USP48: variants seen among roughly 807,000 people sequenced by gnomAD.
The protein encoded by USP48 is ubiquitin carboxyl-terminal hydrolase 48.
Under a neutral mutation model 150.7 loss-of-function variants are expected in USP48, and 43 were observed. The ratio of observed to expected loss-of-function variants is 0.29; its 90% CI spans 0.22 to 0.37. USP48 has a LOEUF of 0.37. Ranked by LOEUF, USP48 falls within the 10% of genes least tolerant of loss-of-function variation. The pLI is 1.00. For synonymous variants in USP48, 396 were observed against 425.9 expected (o/e 0.93, Z 0.86); for missense variants, 813 against 1,249.6 (o/e 0.65, Z 5.27).
intron 23 of USP48, among the ~76,000 whole-genome samples, 197 bp downstream of exon 23, chr1:21,694,869 T>C (rs2097621557): frequency 6.6e-6 from 1 of 152,192 alleles, no homozygotes; most frequent in Non-Finnish European, 1.5e-5. Flanking sequence ...ATTGGAAAGC[T>C]ATTGCAGAAC....
Position 21,748,274 on chromosome 1 carries a change from G to T in USP48, c.775-3C>A. 6.2e-7 allele frequency: 1 copy of T among 1,610,128 alleles called. No individual in the cohort carries two copies. The highest frequency in any genetic ancestry group is 8.5e-7 in the Non-Finnish European group (1 of 1,178,456). On this transcript the variant is annotated splice_region_variant and splice_polypyrimidine_tract_variant and intron_variant, in intron 6 of 26. Transcript: ENST00000308271. ...TTGTCTCCTTCTAATTTTTCTTCCTGATCAAGAATAAGACATATTAATTTT... is the reference window on the plus strand; with the variant it reads ...TTGTCTCCTTCTAATTTTTCTTCCTTATCAAGAATAAGACATATTAATTTT...
intron 1 of USP48, among the ~76,000 whole-genome samples, chr1:21,777,057 G>A (rs917864617): frequency 6.6e-6 from 1 of 152,022 alleles, no homozygotes; most frequent in Admixed American, 6.6e-5. Context: ...GGAGGTTGCA[G>A]TGAGCCAAGA....
chr1:21,782,967 C>A lies in USP48; in HGVS notation c.-10G>T. ...GCAGCCGCGGGGCCATGGCCTTGGC[C>A]CCAGGAACGCCTCCCGAGCCAGACC... On this transcript the variant is annotated 5_prime_UTR_variant, in exon 1 of 27. Transcript: ENST00000308271. 1 of 1,529,276 alleles carries A rather than the reference C, an allele frequency of 6.5e-7. No homozygotes were observed. The highest frequency in any genetic ancestry group is 8.8e-7 in the Non-Finnish European group (1 of 1,142,370). 94.7% of individuals were successfully genotyped at this position (1,529,276 alleles called of 1,614,324 possible).
At chr1:21,782,744 C>A in intron 1 of USP48, 80 bp downstream of exon 1, 6 of 1,442,308 alleles carry the variant, frequency 4.2e-6, no homozygotes, top group Non-Finnish European at 5.5e-6. Context: ...AAAGGGCTGC[C>A]GTCTTCCTTT....
intron 8 of USP48, among the ~76,000 whole-genome samples, chr1:21,743,699 G>A (rs2097787224): frequency 6.6e-6 from 1 of 152,104 alleles, no homozygotes; most frequent in Non-Finnish European, 1.5e-5. Context: ...CAACTGGGAG[G>A]GGCACAAAAG....
intron 15 of USP48, among the ~76,000 whole-genome samples, chr1:21,709,073 C>T (rs1219118892): frequency 6.6e-6 from 1 of 151,744 alleles, no homozygotes; most frequent in Non-Finnish European, 1.5e-5. Context: ...CCATGCCCGC[C>T]TAATATTTTA....
rs1022900986 is a variant in USP48 at position 21,695,159 on chromosome 1, T to C, written c.2790A>G (p.Gln930=). The C allele has an allele frequency of 3.7e-6, 6 of 1,613,760 alleles. No individual in the cohort carries two copies. The highest frequency in any genetic ancestry group is 5.1e-6 in the Non-Finnish European group (6 of 1,179,914). The change falls in exon 23 of 27, where the codon CAA becomes CAG. Residue 930 remains glutamine (Q), a synonymous_variant. Transcript: ENST00000308271. ...SHQNYIAYQK[Q]VIRRSMRHRK... ...TATGTCGCATACTTCGGCGAATAAC[T>C]TGCTTTTGATAGGCTATATAATTTT...
At chr1:21,757,080 T>C (rs542095232) in intron 2 of USP48, 28 of 836,040 alleles carry the variant, frequency 3.3e-5, no homozygotes, top group Middle Eastern at 6.2e-4. Flanking sequence ...GTAAAACTTA[T>C]GCAGAAAACT....
chr1:21,743,669 G>A (rs1220472222), intron 8 of USP48, among the ~76,000 whole-genome samples: 1 of 152,146 alleles, frequency 6.6e-6, no homozygotes. Context: ...CTTAAGGGGA[G>A]GAAGGTGGTT....
chr1:21,763,513 C>T (rs2152623139), intron 1 of USP48, among the ~76,000 whole-genome samples: 1 of 152,306 alleles, frequency 6.6e-6, no homozygotes, highest in South Asian at 2.1e-4. Flanking sequence ...AAAGAATCTA[C>T]TTAACAAACA....
At chr1:21,732,364 C>G (rs2097759053) in intron 9 of USP48, among the ~76,000 whole-genome samples, 2 of 152,188 alleles carry the variant, frequency 1.3e-5, no homozygotes, top group Non-Finnish European at 2.9e-5. Flanking sequence ...TAAAATGGAT[C>G]TGCCTCAACA....
rs2097819465 is a variant in USP48 at position 21,752,618 on chromosome 1, G to C, written c.574C>G (p.Leu192Val). The change falls in exon 5 of 27, where the codon CTA becomes GTA. Residue 192 changes from leucine (L) to valine (V), a missense_variant. Coordinates refer to ENST00000308271, the MANE Select transcript of USP48 (RefSeq NM_032236.8). ...TGTTTAGACAAAGTATCTTCCAATAGAGACATAAAGAGCTTTGAAAATTCT... is the reference window on the plus strand; with the variant it reads ...TGTTTAGACAAAGTATCTTCCAATACAGACATAAAGAGCTTTGAAAATTCT... Reference protein sequence around the residue: ...AQEFSKLFMSLLEDTLSKQKN... With the variant: ...AQEFSKLFMSVLEDTLSKQKN... 6.2e-7 allele frequency: 1 copy of C among 1,604,772 alleles called. No homozygotes were observed. The highest frequency in any genetic ancestry group is 1.3e-5 in the African/African-American group (1 of 74,266).
chr1:21,689,010 A>G lies in USP48; in HGVS notation c.3009+964T>C, dbSNP rs547629503. Among the ~76,000 whole-genome samples the G allele has an allele frequency of 5.9e-5, 9 of 152,046 alleles. No homozygotes were observed. In the South Asian group the frequency reaches 1.0e-3, roughly 18 times the overall value. On this transcript the variant is annotated intron_variant, in intron 24 of 26. Transcript: ENST00000308271. The stretch of plus-strand genomic sequence containing the variant: ...TAGCTTGGCTGGCTAGTCCTTTTGA[A>G]CCAAAAGGAAAAGAGGAGATACTTT...
chr1:21,770,755 T>G (rs1280482082), intron 1 of USP48, among the ~76,000 whole-genome samples: 7 of 152,002 alleles, frequency 4.6e-5, no homozygotes, highest in Non-Finnish European at 2.9e-5. Context: ...GTGCTGAGAT[T>G]ACAGGCATGA....
chr1:21,702,905 C>G (rs981156381), intron 21 of USP48, among the ~76,000 whole-genome samples: 1 of 152,234 alleles, frequency 6.6e-6, no homozygotes, highest in Non-Finnish European at 1.5e-5. Context: ...TAGAACCTGT[C>G]TATCACCACA....
At chr1:21,725,036 T>C (rs984016079) in intron 11 of USP48, 5 of 152,232 alleles carry the variant, frequency 3.3e-5, no homozygotes, top group East Asian at 1.9e-4. Context: ...GCAAAGCCCA[T>C]TGTGACCAGT....
chr1:21,737,703 G>GT (rs910168266), intron 8 of USP48, among the ~76,000 whole-genome samples: 4 of 151,888 alleles, frequency 2.6e-5, no homozygotes, highest in African/African-American at 9.7e-5. Context: ...GAAACCTACA[G>GT]TTTTTTTCCA....
chr1:21,777,672 A>G (rs1379252812), intron 1 of USP48, among the ~76,000 whole-genome samples: 1 of 152,250 alleles, frequency 6.6e-6, no homozygotes, highest in East Asian at 1.9e-4. Flanking sequence ...TGCTTCACTG[A>G]TAAGAATAAG....
chr1:21,777,145 G>A lies in USP48; in HGVS notation c.134+5679C>T, dbSNP rs575034487. ...AAAAACAAAACACCAAAAATTAGCC[G>A]AGTGTGGTGGAGCATGCTTGTAGTC... On this transcript the variant is annotated intron_variant, in intron 1 of 26. Transcript: ENST00000308271. Among the ~76,000 whole-genome samples the A allele has an allele frequency of 1.2e-4, 18 of 151,560 alleles. No homozygotes were observed. The South Asian group carries it at 3.1e-3, about 26-fold the overall frequency.
Sources: gnomAD v4.1 joint callset for allele counts (sites outside exome capture counted in the v4.1 genomes callset) on GRCh38, gnomAD v4.1.1 for gene constraint, MANE v1.5 for transcripts, NCBI Gene and HGNC (gene_info 2026-07-23, HGNC 2026-07-21) for gene names.